Variants in MACROD2 observed in about 807,000 individuals in gnomAD.
The protein encoded by MACROD2 is mono-ADP ribosylhydrolase 2.
In MACROD2, 36 loss-of-function variants were observed where a neutral mutation model predicts 70.4. The ratio of observed to expected loss-of-function variants is 0.51; its 90% CI spans 0.39 to 0.68. The LOEUF is 0.68. Among genes scored for constraint, MACROD2 ranks in the 30% least tolerant of loss-of-function variants. MACROD2 has a pLI of 0.00. For synonymous variants in MACROD2, 172 were observed against 178.8 expected, an observed-to-expected ratio of 0.96 and a Z score of 0.30; for missense variants, 496 against 538.4, an observed-to-expected ratio of 0.92 and a Z score of 0.78.
chr20:14,010,378 G>C (rs561137398), intron 2 of MACROD2, among the ~76,000 whole-genome samples: 3 of 152,202 alleles, frequency 2.0e-5, no homozygotes, highest in African/African-American at 7.2e-5. Context: ...TGCTGTCTCA[G>C]GGGTGGCAAA....
At chr20:14,325,362 A>G (rs2082716756) in intron 3 of MACROD2, 2 of 499,664 alleles carry the variant, frequency 4.0e-6, no homozygotes, top group Non-Finnish European at 6.9e-6. Flanking sequence ...TCTCCACTAC[A>G]TCAATCGCAG....
At chr20:14,341,413 G>A (rs1246720749) in intron 3 of MACROD2, among the ~76,000 whole-genome samples, 3 of 152,198 alleles carry the variant, frequency 2.0e-5, no homozygotes, top group Non-Finnish European at 4.4e-5. Context: ...CGAGGCGGGA[G>A]GATCACCTGA....
rs139711267 is a variant in MACROD2 at position 15,264,635 on chromosome 20, G to A, written c.540+34574G>A. Among the ~76,000 whole-genome samples, 58 of 152,194 alleles carry A rather than the reference G, an allele frequency of 3.8e-4. 1 individual carries two copies. The East Asian group carries it at 9.5e-3, about 25-fold the overall frequency. On this transcript the variant is annotated intron_variant, in intron 6 of 17. Transcript: ENST00000684519. Reference sequence around the variant, plus strand: ...GCAGACAAAGGATGTCTTATTCTGCGGATAGTCTCGCAGGTTGCAGCCCTC... The same window carrying A: ...GCAGACAAAGGATGTCTTATTCTGCAGATAGTCTCGCAGGTTGCAGCCCTC...
intron 4 of MACROD2, among the ~76,000 whole-genome samples, chr20:14,677,919 A>G (rs539983208): frequency 1.3e-5 from 2 of 152,322 alleles, no homozygotes; most frequent in South Asian, 4.1e-4. Flanking sequence ...AAGTTTAAAA[A>G]AAACAGTGAT....
chr20:14,578,434 A>G (rs1980767478), intron 4 of MACROD2, among the ~76,000 whole-genome samples: 1 of 152,112 alleles, frequency 6.6e-6, no homozygotes, highest in Non-Finnish European at 1.5e-5. Context: ...GGAGGGATTG[A>G]TAATCCAGGT....
chr20:14,164,247 C>G (rs1206578018), intron 3 of MACROD2, among the ~76,000 whole-genome samples: 1 of 152,040 alleles, frequency 6.6e-6, no homozygotes, highest in Non-Finnish European at 1.5e-5. Flanking sequence ...TCTTTGGTGG[C>G]TTAGGGTGTG....
chr20:14,429,395 A>G, intron 3 of MACROD2, among the ~76,000 whole-genome samples: 1 of 152,210 alleles, frequency 6.6e-6, no homozygotes, highest in East Asian at 1.9e-4. Context: ...CTTATTCTCA[A>G]GAAGCATACA....
chr20:15,861,078 G>A (rs1478541886), intron 8 of MACROD2, among the ~76,000 whole-genome samples: 1 of 152,120 alleles, frequency 6.6e-6, no homozygotes, highest in Non-Finnish European at 1.5e-5. Flanking sequence ...TTTACACTTT[G>A]GTTTGATTAT....
At chr20:14,864,429 T>A (rs1273297545) in intron 5 of MACROD2, among the ~76,000 whole-genome samples, 2 of 152,140 alleles carry the variant, frequency 1.3e-5, no homozygotes, top group Non-Finnish European at 2.9e-5. Flanking sequence ...GTAAATTTTT[T>A]TATACTGTAA....
chr20:14,837,551 G>A (rs439451), intron 5 of MACROD2, among the ~76,000 whole-genome samples: 86,920 of 151,810 alleles, frequency 0.57, 26,207 homozygotes, highest in Non-Finnish European at 0.67. Flanking sequence ...AGCTAACTGT[G>A]TCTTGAAATC....
intron 8 of MACROD2, among the ~76,000 whole-genome samples, chr20:15,746,889 A>G (rs930937623): frequency 2.6e-5 from 4 of 152,150 alleles, no homozygotes; most frequent in South Asian, 2.1e-4. Flanking sequence ...ATTTTCGTCA[A>G]TAGTGCAATA....
At chr20:16,031,315 G>GT (rs994166700) in intron 15 of MACROD2, among the ~76,000 whole-genome samples, 4 of 152,114 alleles carry the variant, frequency 2.6e-5, no homozygotes, top group Non-Finnish European at 4.4e-5. Flanking sequence ...TCCCTGAAAA[G>GT]TTTGAGTATA....
rs1024885900 is a variant in MACROD2 at position 15,121,529 on chromosome 20, A to AAAG, written c.419-108410_419-108409insAGA. On this transcript the variant is annotated intron_variant, in intron 5 of 17. Coordinates refer to ENST00000684519, the MANE Select transcript of MACROD2 (RefSeq NM_001351661.2). ...ACTCTGCCTCAAAAAAAAAAAAAAAAAGAAAAAAGAAAGAAAATGCCCTAA... is the reference window on the plus strand; with the variant it reads ...ACTCTGCCTCAAAAAAAAAAAAAAAAAAGAGAAAAAAGAAAGAAAATGCCCTAA... 5.6e-4 allele frequency among the ~76,000 whole-genome samples: 85 copies of AAAG among 151,070 alleles called. 3 individuals carry two copies. In the East Asian group the frequency reaches 0.016, roughly 28 times the overall value.
At chr20:15,371,095 T>G (rs2045485330) in intron 6 of MACROD2, among the ~76,000 whole-genome samples, 1 of 152,140 alleles carries the variant, frequency 6.6e-6, no homozygotes, top group Non-Finnish European at 1.5e-5. Flanking sequence ...TTAAAATTGC[T>G]CAGTGCTTTT....
Position 15,209,588 on chromosome 20 carries a change from G to T in MACROD2, c.419-20352G>T, listed in dbSNP as rs1011057985. On this transcript the variant is annotated intron_variant, in intron 5 of 17. Transcript: ENST00000684519. ...CTTTTGTAGGACAGGTTACGCCCAG[G>T]TTTGGAAGAGGGGTGCAAAGGGAGA... Among the ~76,000 whole-genome samples the T allele has an allele frequency of 5.3e-5, 8 of 152,270 alleles. No individual in the cohort carries two copies. In the East Asian group the frequency reaches 1.2e-3, roughly 22 times the overall value.
At chr20:15,020,323 C>T (rs1178763415) in intron 5 of MACROD2, among the ~76,000 whole-genome samples, 1 of 152,042 alleles carries the variant, frequency 6.6e-6, no homozygotes, top group Admixed American at 6.6e-5. Flanking sequence ...TGGCTTGAGA[C>T]AATAGGAGAG....
chr20:14,218,667 T>A (rs942575391), intron 3 of MACROD2, among the ~76,000 whole-genome samples: 2 of 152,210 alleles, frequency 1.3e-5, no homozygotes, highest in Non-Finnish European at 2.9e-5. Context: ...TGTTTTCACA[T>A]GTTTCCAGGA....
chr20:14,151,405 G>A (rs2148711269), intron 3 of MACROD2, among the ~76,000 whole-genome samples: 1 of 152,188 alleles, frequency 6.6e-6, no homozygotes, highest in Non-Finnish European at 1.5e-5. Flanking sequence ...AAGGTCCATA[G>A]GTTTTATTCC....
At chr20:15,061,486 C>T (rs1376099453) in intron 5 of MACROD2, among the ~76,000 whole-genome samples, 1 of 152,152 alleles carries the variant, frequency 6.6e-6, no homozygotes, top group Non-Finnish European at 1.5e-5. Flanking sequence ...ATAATGCACC[C>T]TGTTTTAGCT....
Sources: allele counts gnomAD v4.1 joint callset (sites outside exome capture counted in the v4.1 genomes callset), GRCh38; gene constraint gnomAD v4.1.1; transcripts MANE v1.5; gene names NCBI Gene and HGNC (gene_info 2026-07-23, HGNC 2026-07-21).